Variants in DOCK9 observed in about 807,000 individuals in gnomAD.
DOCK9 encodes the protein dedicator of cytokinesis 9, also known as dedicator of cytokinesis protein 9.
In DOCK9, 89 loss-of-function variants were observed where a neutral mutation model predicts 263.3. The observed-to-expected ratio is 0.34, with a 90% CI of 0.28 to 0.40. DOCK9 has a LOEUF of 0.40. DOCK9 is among the 10% of genes least tolerant of loss of function. The probability of loss-of-function intolerance (pLI) is 1.00; values close to 1 mark genes in which losing one functional copy is unlikely to be tolerated. For synonymous variants in DOCK9, 976 were observed against 973.1 expected, an observed-to-expected ratio of 1.00 and a Z score of -0.06; for missense variants, 2,140 against 2,603.4, an observed-to-expected ratio of 0.82 and a Z score of 3.87.
intron 1 of DOCK9, among the ~76,000 whole-genome samples, chr13:99,068,826 T>C (rs1465165109): frequency 6.6e-6 from 1 of 152,140 alleles, no homozygotes. Context: ...AGATTAAATA[T>C]CCTGTAAATT....
chr13:99,082,594 T>C lies in DOCK9; in HGVS notation c.129+3629A>G, dbSNP rs149756505. On this transcript the variant is annotated intron_variant, in intron 1 of 32. Transcript: ENST00000427887. ...AAAAACAGCTTCAAATAGAAGCCCA[T>C]TGGTGGAATAAGGGACTCTAGAAAA... Among the ~76,000 whole-genome samples the C allele has an allele frequency of 3.0e-3, 453 of 151,852 alleles. 12 individuals are homozygous for C. Among genetic ancestry groups the C allele is most frequent in the Admixed American group, 0.026 (401 of 15,252 alleles).
At position 98,905,590 on chromosome 13, in the gene DOCK9, T is replaced by TA. The variant is rs535356679; in HGVS notation, c.961-885dup. Among the ~76,000 whole-genome samples the TA allele has an allele frequency of 1.9e-3, 278 of 145,814 alleles. 7 individuals carry two copies. The South Asian group carries it at 0.046, about 24-fold the overall frequency. ...TCATAACTGAAAGGCAGGGCATGAT[T>TA]AAAAAAAAAAAGTGAAAAGAAATGA... On this transcript the variant is annotated intron_variant, in intron 9 of 52. Transcript: ENST00000682017.
chr13:98,929,329 G>A (rs2053550386), intron 3 of DOCK9, among the ~76,000 whole-genome samples: 2 of 152,120 alleles, frequency 1.3e-5, no homozygotes, highest in African/African-American at 4.8e-5. Context: ...GATCACTTGA[G>A]GTCAGGAGTC....
intron 15 of DOCK9, among the ~76,000 whole-genome samples, chr13:98,893,028 G>A (rs1178938939): frequency 5.3e-5 from 8 of 152,200 alleles, no homozygotes. Context: ...AGGAAAAGGG[G>A]AAGTGTGTAT....
At chr13:98,988,154 T>A (rs1878917190) in intron 1 of DOCK9, among the ~76,000 whole-genome samples, 1 of 152,178 alleles carries the variant, frequency 6.6e-6, no homozygotes, top group South Asian at 2.1e-4. Context: ...TAAAATAATG[T>A]CCAGGAAAGT....
At chr13:98,975,159 T>A (rs9517518) in intron 1 of DOCK9, among the ~76,000 whole-genome samples, 77,281 of 151,868 alleles carry the variant, frequency 0.51, 19,959 homozygotes, top group East Asian at 0.72. Context: ...CGGGCGGATC[T>A]CCTGAGGTCA....
chr13:98,829,810 G>T lies in DOCK9; in HGVS notation c.4636-54C>A, dbSNP rs1389581655. 2 of 1,483,342 alleles carry T rather than the reference G, an allele frequency of 1.3e-6. No homozygotes were observed. Among genetic ancestry groups the T allele is most frequent in the Non-Finnish European group, 1.8e-6 (2 of 1,083,832 alleles). 91.9% of individuals were successfully genotyped at this position (1,483,342 alleles called of 1,614,324 possible). On this transcript the variant is annotated intron_variant, in intron 41 of 52. Transcript: ENST00000682017. This position sits in a 1 kb window ranked among gnomAD's most constrained non-coding sequence, Gnocchi z 4.1. Reference sequence around the variant, plus strand: ...AATTTACCTTCAAATGACTGCCCAGGCTGGGCTTCTGCGTTCAGTTAGGAT... The same window carrying T: ...AATTTACCTTCAAATGACTGCCCAGTCTGGGCTTCTGCGTTCAGTTAGGAT...
intron 10 of DOCK9, among the ~76,000 whole-genome samples, chr13:98,904,009 C>T (rs1267657677): frequency 6.6e-6 from 1 of 152,130 alleles, no homozygotes; most frequent in South Asian, 2.1e-4. Context: ...ACAAAGTTTC[C>T]GTGTGGGAAA....
intron 1 of DOCK9, among the ~76,000 whole-genome samples, chr13:99,004,792 C>T (rs1311923449): frequency 6.9e-6 from 1 of 143,890 alleles, no homozygotes; most frequent in Admixed American, 6.9e-5. Context: ...TAGACACACA[C>T]ACACACACAC....
At chr13:99,059,924 C>T (rs905611119) in intron 1 of DOCK9, among the ~76,000 whole-genome samples, 1 of 152,146 alleles carries the variant, frequency 6.6e-6, no homozygotes, top group Non-Finnish European at 1.5e-5. Flanking sequence ...TTACGTCTGG[C>T]TTCTTCCACT....
rs552064113 is a variant in DOCK9, at chr13:98,816,265, C to T, written c.5131-5974G>A. ...AAATTTGCTTCCTCAAAGACACACA[C>T]GGTCATCCTCAGAGGAGCCAGAACT... On this transcript the variant is annotated intron_variant, in intron 45 of 52. Transcript: ENST00000682017. 7.2e-5 allele frequency among the ~76,000 whole-genome samples: 11 copies of T among 152,206 alleles called. No individual in the cohort carries two copies. In the South Asian group the frequency reaches 1.2e-3, roughly 17 times the overall value.
chr13:99,063,759 G>C (rs2041298320), intron 1 of DOCK9, among the ~76,000 whole-genome samples: 3 of 151,462 alleles, frequency 2.0e-5, no homozygotes, highest in Admixed American at 2.0e-4. Context: ...ATTTTTGCTA[G>C]ATTCAACAGA....
chr13:98,823,806 A>C (rs979639136), intron 45 of DOCK9, among the ~76,000 whole-genome samples: 7 of 152,216 alleles, frequency 4.6e-5, no homozygotes, highest in Admixed American at 1.3e-4. Context: ...AAGAAACTGG[A>C]ATTTGCAGAC....
chr13:98,852,594 T>C (rs1297337415), intron 35 of DOCK9, among the ~76,000 whole-genome samples: 1 of 152,194 alleles, frequency 6.6e-6, no homozygotes. Flanking sequence ...TCTCAAAAAA[T>C]GGCACTTTGT....
At position 99,047,189 on chromosome 13, in the gene DOCK9, A is replaced by T. The variant is rs77155531; in HGVS notation, c.129+39034T>A. Among the ~76,000 whole-genome samples the T allele has an allele frequency of 1.2e-4, 18 of 152,330 alleles. No individual in the cohort carries two copies. The East Asian group carries it at 3.5e-3, about 29-fold the overall frequency. ...TAATGTGCTAATTGAAATACACGCC[A>T]GCTGACCCTAGAAGTAGGGCCTATT... On this transcript the variant is annotated intron_variant, in intron 1 of 32. Coordinates refer to the DOCK9 transcript ENST00000427887.
Position 98,894,744 on chromosome 13 carries a change from T to C in DOCK9, c.1709+2744A>G, listed in dbSNP as rs2047127200. Among the ~76,000 whole-genome samples the C allele has an allele frequency of 3.3e-5, 5 of 151,702 alleles. 1 individual carries two copies. In the South Asian group the frequency reaches 1.0e-3, roughly 32 times the overall value. Reference sequence around the variant, plus strand: ...ATGATAATATATTACCCACTACCAATAGAGAAGATTTTTTTAAAGATTCTA... The same window carrying C: ...ATGATAATATATTACCCACTACCAACAGAGAAGATTTTTTTAAAGATTCTA... On this transcript the variant is annotated intron_variant, in intron 15 of 52. Transcript: ENST00000682017.
intron 7 of DOCK9, among the ~76,000 whole-genome samples, chr13:98,916,144 G>A (rs368690490): frequency 2.0e-5 from 3 of 152,156 alleles, no homozygotes; most frequent in Non-Finnish European, 4.4e-5. Flanking sequence ...AGTAACAGAC[G>A]GAAGATGAAC....
chr13:98,950,421 G>T (rs980747952), intron 2 of DOCK9: 24 of 755,522 alleles, frequency 3.2e-5, no homozygotes, highest in Admixed American at 4.6e-5. Flanking sequence ...GAACCAAAGG[G>T]ATTTTTCTTT....
Position 98,837,568 on chromosome 13 carries a change from G to C in DOCK9, c.4240C>G (p.Leu1414Val), listed in dbSNP as rs368409828. 5.9e-5 allele frequency: 96 copies of C among 1,613,710 alleles called. No homozygotes were observed. Among genetic ancestry groups the C allele is most frequent in the Non-Finnish European group, 7.9e-5 (93 of 1,179,812 alleles). ...ACCTCAGTAGCAATGTTGGCTTCAA[G>C]TAATGACTGGTGCAGAACATCTGCG... is the stretch of plus-strand genomic sequence containing the variant. ...SDADVLHQSLLEANIATEVCL... is the reference protein window; with the variant it reads ...SDADVLHQSLVEANIATEVCL... Residue 1414 changes from leucine to valine, a missense_variant, in exon 39 of 53, where the codon CTT becomes GTT. Physicochemically the swap from Leu to Val is conservative, Grantham distance 32 (BLOSUM62 1). Coordinates refer to ENST00000682017, the MANE Select transcript of DOCK9 (RefSeq NM_001366683.2).
Sources: allele counts gnomAD v4.1 joint callset (sites outside exome capture counted in the v4.1 genomes callset), GRCh38; gene constraint gnomAD v4.1.1; non-coding constraint Gnocchi (gnomAD v3.1); transcripts MANE v1.5; gene names NCBI Gene and HGNC (gene_info 2026-07-23, HGNC 2026-07-21).